THSD7B: variants seen among roughly 807,000 people sequenced by gnomAD.
The protein encoded by THSD7B is thrombospondin type-1 domain-containing protein 7B.
In THSD7B, 138 loss-of-function variants were observed where a neutral mutation model predicts 213.6. The ratio of observed to expected loss-of-function variants is 0.65; its 90% CI spans 0.56 to 0.74. THSD7B has a LOEUF of 0.74. Among genes scored for constraint, THSD7B ranks in the 30% least tolerant of loss-of-function variants. The pLI is 0.00. For missense variants in THSD7B, 1,931 were observed against 1,991.5 expected, an observed-to-expected ratio of 0.97 and a Z score of 0.58; for synonymous variants, 742 against 687.0, an observed-to-expected ratio of 1.08 and a Z score of -1.25.
intron 1 of THSD7B, among the ~76,000 whole-genome samples, chr2:136,864,162 C>G (rs1402448181): frequency 1.3e-5 from 2 of 152,302 alleles, no homozygotes; most frequent in African/African-American, 2.4e-5. Flanking sequence ...CCAAAATCCA[C>G]ACAGTTCAGT....
At chr2:136,772,385 A>G (rs1056841200) in intron 1 of THSD7B, among the ~76,000 whole-genome samples, 3 of 152,108 alleles carry the variant, frequency 2.0e-5, no homozygotes, top group East Asian at 3.9e-4. Context: ...TTGATTTTGC[A>G]CAGACCTTGT....
In THSD7B at chr2:137,113,513, C is replaced by G. The variant is rs539569272; in HGVS notation, c.1200-1611C>G. On this transcript the variant is annotated intron_variant, in intron 4 of 27. Coordinates refer to ENST00000409968, the MANE Select transcript of THSD7B (RefSeq NM_001316349.2). ...GTGCAATGGTGCAATCTTGGCTCAC[C>G]GCACCCTCCGCCTCCTGGGTTCAAG... Among the ~76,000 whole-genome samples, 402 of 152,006 alleles carry G rather than the reference C, an allele frequency of 2.6e-3. 1 individual carries two copies. Among genetic ancestry groups the G allele is most frequent in the Admixed American group, 4.8e-3 (74 of 15,270 alleles).
chr2:137,290,110 CT>C (rs1244519702), intron 12 of THSD7B, among the ~76,000 whole-genome samples: 12,640 of 130,600 alleles, frequency 0.097, 845 homozygotes, highest in East Asian at 0.38. Context: ...AAAGAGTTTT[CT>C]TTTTTTTTTT....
At chr2:137,524,263 G>A (rs1161483793) in intron 15 of THSD7B, among the ~76,000 whole-genome samples, 1 of 152,030 alleles carries the variant, frequency 6.6e-6, no homozygotes, top group East Asian at 1.9e-4. Context: ...GCCTCCCCAA[G>A]CAAAGAGCTA....
At chr2:136,867,781 G>T (rs1389655611) in intron 1 of THSD7B, among the ~76,000 whole-genome samples, 1 of 152,094 alleles carries the variant, frequency 6.6e-6, no homozygotes, top group Non-Finnish European at 1.5e-5. Flanking sequence ...AAATTGCCAG[G>T]ATACCCAGTG....
At position 137,170,836 on chromosome 2, in the gene THSD7B, A is replaced by G. The variant is rs761070121; in HGVS notation, c.1621A>G (p.Met541Val). 8.7e-6 allele frequency: 14 copies of G among 1,613,564 alleles called. No individual in the cohort carries two copies. Among genetic ancestry groups the G allele is most frequent in the African/African-American group, 4.0e-5 (3 of 74,906 alleles). The change falls in exon 7 of 28, where the codon ATG (methionine) becomes GTG (valine). Residue 541 changes from methionine (M) to valine (V), a missense_variant. Physicochemically the swap from Met to Val is conservative, Grantham distance 21. Coordinates refer to ENST00000409968, the MANE Select transcript of THSD7B (RefSeq NM_001316349.2). ...GGAGTCTGTTCCTTGTGAGGATCCA[A>G]TGTGCTACCGATGGCTGGCATCAGA... is the stretch of plus-strand genomic sequence containing the variant. ...LVESVPCEDP[M>V]CYRWLASEGI...
chr2:136,938,177 A>G (rs1684764307), intron 2 of THSD7B, among the ~76,000 whole-genome samples: 1 of 152,160 alleles, frequency 6.6e-6, no homozygotes, highest in Non-Finnish European at 1.5e-5. Flanking sequence ...ACACCTGGAG[A>G]AAACAGTGCT....
intron 12 of THSD7B, among the ~76,000 whole-genome samples, chr2:137,331,688 A>C (rs551464945): frequency 6.6e-6 from 1 of 152,240 alleles, no homozygotes; most frequent in South Asian, 2.1e-4. Flanking sequence ...CTCTGGCCAC[A>C]CAGGAGCCCA....
intron 12 of THSD7B, among the ~76,000 whole-genome samples, chr2:137,358,470 C>T (rs573969293): frequency 1.4e-4 from 21 of 151,908 alleles, no homozygotes; most frequent in African/African-American, 4.6e-4. Flanking sequence ...CTCAGAGGAC[C>T]GAAAAAAATT....
In THSD7B at chr2:137,049,786, C is replaced by A. The variant is rs78211297; in HGVS notation, c.140-6634C>A. 3.5e-3 allele frequency among the ~76,000 whole-genome samples: 538 copies of A among 152,260 alleles called. 8 individuals carry two copies. The East Asian group carries it at 0.043, about 12-fold the overall frequency. On this transcript the variant is annotated intron_variant, in intron 2 of 27. Transcript: ENST00000409968. Reference sequence around the variant, plus strand: ...ACAGACAGTCACAGAGGCCAAAGACCAGAATTAACAAGTGGAAATTACATT... The same window carrying A: ...ACAGACAGTCACAGAGGCCAAAGACAAGAATTAACAAGTGGAAATTACATT...
chr2:137,099,784 T>C (rs977456494), intron 4 of THSD7B, among the ~76,000 whole-genome samples: 6 of 152,228 alleles, frequency 3.9e-5, no homozygotes, highest in Non-Finnish European at 5.9e-5. Context: ...GCTGCACAGC[T>C]GAGAGTATTA....
At chr2:136,821,378 C>G (rs1682561034) in intron 1 of THSD7B, among the ~76,000 whole-genome samples, 1 of 152,054 alleles carries the variant, frequency 6.6e-6, no homozygotes, top group Admixed American at 6.6e-5. Flanking sequence ...CTGGAAACTC[C>G]ATCCTGTGTT....
intron 12 of THSD7B, among the ~76,000 whole-genome samples, chr2:137,316,763 A>G (rs1485929110): frequency 2.6e-5 from 3 of 116,756 alleles, no homozygotes; most frequent in African/African-American, 8.6e-5. Context: ...GTCTCAAAAA[A>G]AAAAAAGAAA....
intron 1 of THSD7B, among the ~76,000 whole-genome samples, chr2:136,766,755 C>T (rs1681404324): frequency 6.6e-6 from 1 of 152,092 alleles, no homozygotes; most frequent in Non-Finnish European, 1.5e-5. Context: ...ATTATGGGAC[C>T]GTGGCATATT....
chr2:137,098,082 A>G (rs1006208297), intron 4 of THSD7B, among the ~76,000 whole-genome samples: 2 of 152,200 alleles, frequency 1.3e-5, no homozygotes, highest in African/African-American at 2.4e-5. Context: ...TAACAAGGGA[A>G]AGGAAAATGA....
intron 2 of THSD7B, among the ~76,000 whole-genome samples, chr2:137,037,982 TAA>T (rs56018547): frequency 6.6e-6 from 1 of 151,898 alleles, no homozygotes; most frequent in African/African-American, 2.4e-5. Flanking sequence ...TTAGCAAAAA[TAA>T]AAAAAAATGT....
intron 1 of THSD7B, among the ~76,000 whole-genome samples, chr2:136,766,368 T>C (rs1030029604): frequency 4.7e-5 from 7 of 149,976 alleles, no homozygotes; most frequent in Non-Finnish European, 7.4e-5. Context: ...TCCTGCTGTT[T>C]GTGGAGAGGA....
chr2:137,675,532 C>A (rs979184962), intron 27 of THSD7B, among the ~76,000 whole-genome samples: 2 of 150,032 alleles, frequency 1.3e-5, no homozygotes, highest in Non-Finnish European at 2.9e-5. Context: ...CACTCAGTGA[C>A]CTAAGGGAAG....
chr2:136,800,772 CAGAGAGAGAG>C (rs146528799), intron 1 of THSD7B, among the ~76,000 whole-genome samples: 27 of 146,862 alleles, frequency 1.8e-4, no homozygotes, highest in African/African-American at 6.0e-4. Flanking sequence ...AATGGTAAGG[CAGAGAGAGAG>C]AGAGAGAGAG....
Sources: allele counts gnomAD v4.1 joint callset (sites outside exome capture counted in the v4.1 genomes callset), GRCh38; gene constraint gnomAD v4.1.1; transcripts MANE v1.5; gene names NCBI Gene and HGNC (gene_info 2026-07-23, HGNC 2026-07-21).